ARHGAP15: variants seen among roughly 807,000 people sequenced by gnomAD.
ARHGAP15 encodes the protein rho GTPase-activating protein 15.
A neutral mutation model predicts 63.7 loss-of-function variants in ARHGAP15; 51 were observed. The ratio of observed to expected loss-of-function variants is 0.80; its 90% CI spans 0.64 to 1.01. ARHGAP15 has a LOEUF of 1.01. ARHGAP15 is among the 50% of genes least tolerant of loss of function. The pLI is 0.00. For missense variants in ARHGAP15, 560 were observed against 564.6 expected (o/e 0.99, Z 0.08); for synonymous variants, 191 against 193.8 (o/e 0.99, Z 0.12).
chr2:143,297,204 TAA>T (rs1417144444), intron 6 of ARHGAP15, among the ~76,000 whole-genome samples: 1 of 151,970 alleles, frequency 6.6e-6, no homozygotes, highest in African/African-American at 2.4e-5. Flanking sequence ...TAAGCCCAAA[TAA>T]AGTCAGTTGT....
intron 10 of ARHGAP15, among the ~76,000 whole-genome samples, chr2:143,539,275 T>C (rs1204748147): frequency 6.6e-6 from 1 of 152,186 alleles, no homozygotes; most frequent in East Asian, 1.9e-4. Flanking sequence ...TCTCTTTTCT[T>C]CTTTATTAGT....
At chr2:143,298,225 G>C (rs1682734274) in intron 6 of ARHGAP15, among the ~76,000 whole-genome samples, 1 of 151,834 alleles carries the variant, frequency 6.6e-6, no homozygotes, top group African/African-American at 2.4e-5. Context: ...TATTGCTATA[G>C]AGATATTAGT....
intron 8 of ARHGAP15, among the ~76,000 whole-genome samples, chr2:143,458,761 G>C (rs912814486): frequency 3.3e-5 from 5 of 152,080 alleles, no homozygotes; most frequent in Admixed American, 2.0e-4. Flanking sequence ...TTATGACTCA[G>C]CTGTTTTGAC....
At chr2:143,328,361 C>T (rs1199999774) in intron 6 of ARHGAP15, among the ~76,000 whole-genome samples, 1 of 152,104 alleles carries the variant, frequency 6.6e-6, no homozygotes, top group East Asian at 1.9e-4. Flanking sequence ...TAATGATAGA[C>T]TGGATAAAGA....
intron 11 of ARHGAP15, among the ~76,000 whole-genome samples, chr2:143,573,094 C>T (rs1028452921): frequency 1.3e-5 from 2 of 152,112 alleles, no homozygotes; most frequent in African/African-American, 2.4e-5. Flanking sequence ...AACTACAGTG[C>T]AGCTTCATGA....
At chr2:143,471,201 TATGTGTGTATATATACAC>T (rs1691546758) in intron 8 of ARHGAP15, among the ~76,000 whole-genome samples, 1 of 141,690 alleles carries the variant, frequency 7.1e-6, no homozygotes, top group Non-Finnish European at 1.6e-5. Flanking sequence ...TACACACATA[TATGTGTGTATATATACAC>T]ACACATGTGT....
intron 12 of ARHGAP15, among the ~76,000 whole-genome samples, chr2:143,640,342 C>CTTAA (rs1680545039): frequency 6.6e-6 from 1 of 151,998 alleles, no homozygotes; most frequent in Non-Finnish European, 1.5e-5. Context: ...GGAAACAATG[C>CTTAA]TTAATTCAAT....
chr2:143,430,628 CT>C (rs1359424393), intron 6 of ARHGAP15, among the ~76,000 whole-genome samples: 2 of 151,948 alleles, frequency 1.3e-5, no homozygotes, highest in Admixed American at 6.6e-5. Flanking sequence ...GCTGGGAGTA[CT>C]GAATACAGAT....
intron 11 of ARHGAP15, among the ~76,000 whole-genome samples, chr2:143,622,900 C>T (rs1289067378): frequency 3.3e-5 from 5 of 151,694 alleles, no homozygotes; most frequent in African/African-American, 1.2e-4. Flanking sequence ...TGACAATTCT[C>T]AGCTTTTCTT....
At chr2:143,718,152 C>G (rs534905670) in intron 13 of ARHGAP15, among the ~76,000 whole-genome samples, 5 of 152,112 alleles carry the variant, frequency 3.3e-5, no homozygotes, top group Non-Finnish European at 4.4e-5. Flanking sequence ...TTTCAGTTCT[C>G]AAGACTGTAA....
intron 11 of ARHGAP15, among the ~76,000 whole-genome samples, chr2:143,594,529 G>T (rs1697439219): frequency 6.6e-6 from 1 of 152,110 alleles, no homozygotes; most frequent in African/African-American, 2.4e-5. Context: ...GTAATAATAT[G>T]AATGTAATAT....
At chr2:143,418,054 C>T (rs1558958040) in intron 6 of ARHGAP15, among the ~76,000 whole-genome samples, 1 of 152,154 alleles carries the variant, frequency 6.6e-6, no homozygotes, top group African/African-American at 2.4e-5. Context: ...TACAATAATA[C>T]TATTTTTTAT....
intron 6 of ARHGAP15, among the ~76,000 whole-genome samples, chr2:143,350,704 T>C (rs1448758979): frequency 6.8e-6 from 1 of 147,154 alleles, no homozygotes; most frequent in African/African-American, 2.5e-5. Context: ...CCAGGCGTGG[T>C]GGTGGGCATC....
At chr2:143,470,900 GTATA>G (rs750541964) in intron 8 of ARHGAP15, among the ~76,000 whole-genome samples, 4 of 148,196 alleles carry the variant, frequency 2.7e-5, no homozygotes, top group East Asian at 2.0e-4. Flanking sequence ...ATTTATGTGT[GTATA>G]TATATACACG....
chr2:143,751,366 C>T lies in ARHGAP15; in HGVS notation c.1245-16623C>T, dbSNP rs571443086. Among the ~76,000 whole-genome samples the T allele has an allele frequency of 1.4e-4, 21 of 152,252 alleles. No individual in the cohort carries two copies. In the South Asian group the frequency reaches 3.3e-3, roughly 24 times the overall value. ...AGGGGCTGACAGCTGAAGCTGCCTG[C>T]GGACTTGACACTTGGAAACTGGGCA... On this transcript the variant is annotated intron_variant, in intron 13 of 13. Transcript: ENST00000295095.
chr2:143,668,771 G>A (rs1682367709), intron 12 of ARHGAP15, among the ~76,000 whole-genome samples: 1 of 152,148 alleles, frequency 6.6e-6, no homozygotes, highest in South Asian at 2.1e-4. Context: ...CTTTCCATCT[G>A]AAGCTAAATA....
intron 6 of ARHGAP15, among the ~76,000 whole-genome samples, chr2:143,337,638 G>T (rs1431989275): frequency 6.6e-6 from 1 of 152,174 alleles, no homozygotes; most frequent in South Asian, 2.1e-4. Context: ...ACACCTTCTG[G>T]AGTTCTCTTT....
chr2:143,250,707 C>CA, intron 6 of ARHGAP15, 107 bp downstream of exon 6: 1 of 856,008 alleles, frequency 1.2e-6, no homozygotes, highest in Non-Finnish European at 1.8e-6. Flanking sequence ...TGTACATGAA[C>CA]TCGTTGTCTG....
At chr2:143,623,609 T>C (rs1698726322) in intron 11 of ARHGAP15, among the ~76,000 whole-genome samples, 2 of 152,252 alleles carry the variant, frequency 1.3e-5, no homozygotes, top group South Asian at 4.1e-4. Flanking sequence ...CCTTGCTGAC[T>C]TTATATTCAG....
Sources: allele counts gnomAD v4.1 joint callset (sites outside exome capture counted in the v4.1 genomes callset), GRCh38; gene constraint gnomAD v4.1.1; transcripts MANE v1.5; gene names NCBI Gene and HGNC (gene_info 2026-07-23, HGNC 2026-07-21).